Variants in RFX1 observed in about 807,000 individuals in gnomAD.
RFX1 encodes MHC class II regulatory factor RFX1.
In RFX1, 42 loss-of-function variants were observed where a neutral mutation model predicts 119.6. The observed-to-expected ratio is 0.35, with a 90% confidence interval of 0.27 to 0.45. The LOEUF is 0.45. RFX1 is among the 20% of genes least tolerant of loss of function. RFX1 has a pLI of 1.00. For synonymous variants in RFX1, 628 were observed against 618.5 expected (o/e 1.02, Z -0.23); for missense variants, 1,118 against 1,368.1 (o/e 0.82, Z 2.88).
At chr19:13,970,823 A>C (rs1003123504) in intron 9 of RFX1, among the ~76,000 whole-genome samples, 1 of 151,762 alleles carries the variant, frequency 6.6e-6, no homozygotes, top group Non-Finnish European at 1.5e-5. Flanking sequence ...GTCTCTACTA[A>C]AAATACAAAA....
Position 13,969,811 on chromosome 19 carries a change from T to C in RFX1, c.1496+183A>G, listed in dbSNP as rs915827044. On this transcript the variant is annotated intron_variant, in intron 10 of 20. Transcript: ENST00000254325. The surrounding 1 kb of genome is among the most constrained non-coding windows in gnomAD (Gnocchi z 4.5). ...CAAGTAAGGAGGGGTGAGAAGCACA[T>C]GAGGTGGAAGGCACCGCCAGTGCAA... 3 of 544,746 alleles carry C rather than the reference T, an allele frequency of 5.5e-6. No homozygotes were observed. Among genetic ancestry groups the C allele is most frequent in the Admixed American group, 3.6e-5 (1 of 28,086 alleles). 33.7% of individuals were successfully genotyped at this position (544,746 alleles called of 1,614,324 possible). A position where few individuals can be genotyped will look rare whatever the true frequency, so the allele number is the denominator to read the frequency against.
chr19:13,987,133 G>A (rs908438822), intron 2 of RFX1, among the ~76,000 whole-genome samples: 6 of 152,204 alleles, frequency 3.9e-5, no homozygotes, highest in African/African-American at 7.2e-5. Flanking sequence ...GGCCGGACTC[G>A]GCCCCTCCTT....
At chr19:13,976,632 C>T (rs776804819) in intron 8 of RFX1, among the ~76,000 whole-genome samples, 1 of 152,056 alleles carries the variant, frequency 6.6e-6, no homozygotes, top group Non-Finnish European at 1.5e-5. Flanking sequence ...CCAGGACCCA[C>T]GAGGACACAT....
At chr19:13,979,581 C>A (rs1198672299) in intron 6 of RFX1, 39 bp from the exon 7 acceptor site, 7 of 1,471,096 alleles carry the variant, frequency 4.8e-6, no homozygotes, top group Non-Finnish European at 5.6e-6. Context: ...ACCATGGCAA[C>A]GATGGCCGTC....
chr19:13,975,043 C>CAAAA (rs60183087), intron 8 of RFX1, among the ~76,000 whole-genome samples: 2 of 32,126 alleles, frequency 6.2e-5, no homozygotes, highest in African/African-American at 1.1e-4. Context: ...AACTCCACCT[C>CAAAA]AAAAAAAAAA....
intron 3 of RFX1, 104 bp downstream of exon 3, chr19:13,983,382 G>A (rs925515166): frequency 1.6e-6 from 2 of 1,234,120 alleles, no homozygotes; most frequent in Non-Finnish European, 1.1e-6. Context: ...GTGAGCAGAT[G>A]GCTCCAGCAG....
rs765207775 is a variant in RFX1 at position 13,993,759 on chromosome 19, GC to G, written c.84del (p.Gln28HisfsTer48). On this transcript the variant is annotated frameshift_variant, in exon 2 of 21. Coordinates refer to ENST00000254325, the MANE Select transcript of RFX1 (RefSeq NM_002918.5). LOFTEE classifies it high-confidence loss of function. ...GCCGCTGGGGGTGGTGGCGGTGGCGGCTGGGGCTGGGCTTGTGGCGGGGCCT... is the reference window on the plus strand; with the variant it reads ...GCCGCTGGGGGTGGTGGCGGTGGCGGTGGGGCTGGGCTTGTGGCGGGGCCT... ...PPQAPPQAQP[Q>X]PPPPPPPAAP... 3 of 1,599,046 alleles carry G rather than the reference GC, an allele frequency of 1.9e-6. No homozygotes were observed. In the African/African-American group the frequency reaches 4.0e-5, roughly 22 times the overall value.
chr19:13,980,806 G>A lies in RFX1; in HGVS notation c.622-117C>T, dbSNP rs1233833702. On this transcript the variant is annotated intron_variant, in intron 5 of 20. Coordinates refer to ENST00000254325, the MANE Select transcript of RFX1 (RefSeq NM_002918.5). This position sits in a 1 kb window ranked among gnomAD's most constrained non-coding sequence, Gnocchi z 5.1. ...TCTGGGGAGGGCGGCAGTCTGTGGGGACCTATCCCAACCACCGAGGCTGGT... is the reference window on the plus strand; with the variant it reads ...TCTGGGGAGGGCGGCAGTCTGTGGGAACCTATCCCAACCACCGAGGCTGGT... 1 of 611,636 alleles carries A rather than the reference G, an allele frequency of 1.6e-6. No homozygotes were observed. The highest frequency in any genetic ancestry group is 1.9e-5 in the African/African-American group (1 of 53,618). The allele number at this position is 611,636 out of a possible 1,614,324, so 37.9% of individuals were successfully genotyped here.
chr19:13,979,644 A>C, intron 6 of RFX1, 102 bp from the exon 7 acceptor site: 1 of 684,572 alleles, frequency 1.5e-6, no homozygotes, highest in Non-Finnish European at 2.3e-6. Context: ...CAGCAGACCC[A>C]TAAGCAAGAG....
In RFX1 at chr19:13,968,746, C is replaced by T. The variant is rs1282756678; in HGVS notation, c.1616+29G>A. Reference sequence around the variant, plus strand: ...GCCTGTGTGCCCTTCCCCGCCTGCCCTGCCCTGGGTCCGGCCCTGCCTTCC... The same window carrying T: ...GCCTGTGTGCCCTTCCCCGCCTGCCTTGCCCTGGGTCCGGCCCTGCCTTCC... On this transcript the variant is annotated intron_variant, in intron 11 of 20. Coordinates refer to ENST00000254325, the MANE Select transcript of RFX1 (RefSeq NM_002918.5). The surrounding 1 kb of genome is among the most constrained non-coding windows in gnomAD (Gnocchi z 5.5). 6.2e-7 allele frequency: 1 copy of T among 1,608,766 alleles called. No homozygotes were observed. The highest frequency in any genetic ancestry group is 1.3e-5 in the African/African-American group (1 of 74,872).
Position 13,972,825 on chromosome 19 carries a change from C to T in RFX1, c.1232G>A (p.Gly411Asp), listed in dbSNP as rs770523702. Residue 411 changes from glycine to aspartate, a missense_variant, in exon 9 of 21, where the codon GGC (glycine) becomes GAC (aspartate). Gly to Asp is a moderately conservative substitution (Grantham distance 94). Around this residue, in one of 5 missense-constraint regions of RFX1, gnomAD observed 542 missense variants for 602.7 expected, o/e 0.90. Transcript: ENST00000254325. ...GTAGCCGCCTTGGATCACGTAGGTGCCTGCTCCGCTGCCGCCGCCTCCGGT... is the reference window on the plus strand; with the variant it reads ...GTAGCCGCCTTGGATCACGTAGGTGTCTGCTCCGCTGCCGCCGCCTCCGGT... The part of the protein sequence containing the change: ...GSTGGGGSGA[G>D]TYVIQGGYML... 6.2e-7 allele frequency: 1 copy of T among 1,602,166 alleles called. No individual in the cohort carries two copies. The highest frequency in any genetic ancestry group is 1.1e-5 in the South Asian group (1 of 89,938).
chr19:13,980,597 C>T lies in RFX1; in HGVS notation c.714G>A (p.Gln238=). 1 of 1,575,862 alleles carries T rather than the reference C, an allele frequency of 6.3e-7. No individual in the cohort carries two copies. Among genetic ancestry groups the T allele is most frequent in the South Asian group, 1.1e-5 (1 of 87,284 alleles). The change falls in exon 6 of 21, where the codon CAG becomes CAA. Residue 238 remains glutamine (Q), a synonymous_variant. Transcript: ENST00000254325. The surrounding 1 kb of genome is among the most constrained non-coding windows in gnomAD (Gnocchi z 5.1). ...VPQQLQVHGV[Q]QSVPVTQERS... ...CCTCTTGGGTGACGGGGACACTCTG[C>T]TGGACGCCGTGGACCTGCAGCTGCT...
chr19:13,983,440 C>T, intron 3 of RFX1, 46 bp downstream of exon 3: 1 of 1,458,872 alleles, frequency 6.9e-7, no homozygotes, highest in Non-Finnish European at 9.4e-7. Context: ...CCTGCACTGC[C>T]CCCCTCCCGG....
chr19:13,973,432 T>C (rs1974154479), intron 8 of RFX1, among the ~76,000 whole-genome samples: 1 of 151,912 alleles, frequency 6.6e-6, no homozygotes, highest in Non-Finnish European at 1.5e-5. Flanking sequence ...GGCCACATAG[T>C]GAAAACCCAT....
intron 7 of RFX1, among the ~76,000 whole-genome samples, chr19:13,978,759 C>T (rs1974336386): frequency 6.6e-6 from 1 of 152,158 alleles, no homozygotes; most frequent in Non-Finnish European, 1.5e-5. Flanking sequence ...CTTTGAGGGC[C>T]GTGGCGGCCG....
At chr19:13,996,750 T>G (rs1599519878) in intron 1 of RFX1, among the ~76,000 whole-genome samples, 1 of 131,174 alleles carries the variant, frequency 7.6e-6, no homozygotes. Context: ...TGAGATGGAG[T>G]ATCACTCTGT....
intron 9 of RFX1, among the ~76,000 whole-genome samples, chr19:13,970,540 C>T (rs1370582285): frequency 1.3e-5 from 2 of 151,626 alleles, no homozygotes; most frequent in African/African-American, 4.8e-5. Flanking sequence ...TGGTGCACAC[C>T]TGCAGTCCCA....
chr19:13,987,760 G>A (rs760257163), intron 2 of RFX1, among the ~76,000 whole-genome samples: 6 of 152,208 alleles, frequency 3.9e-5, no homozygotes, highest in Non-Finnish European at 7.4e-5. Context: ...CCAGAATGTG[G>A]AGTGGCAGGG....
chr19:13,962,801 G>C lies in RFX1; in HGVS notation c.2834C>G (p.Ala945Gly). The change falls in exon 21 of 21, where the codon GCT (alanine) becomes GGT (glycine). Residue 945 changes from alanine (A) to glycine (G), a missense_variant. Transcript: ENST00000254325. ...DELPQDISLAAGGESPALGPE... is the reference protein window; with the variant it reads ...DELPQDISLAGGGESPALGPE... ...GCCCAGCGCGGGTGACTCGCCGCCA[G>C]CCGCCAGTGAGATGTCCTGCGGCAG... The C allele has an allele frequency of 6.5e-7, 1 of 1,530,084 alleles. No individual in the cohort carries two copies. The highest frequency in any genetic ancestry group is 8.7e-7 in the Non-Finnish European group (1 of 1,143,044). The allele number at this position is 1,530,084 out of a possible 1,614,324, so 94.8% of individuals were successfully genotyped here.
Sources: gnomAD v4.1 joint callset for allele counts (sites outside exome capture counted in the v4.1 genomes callset) on GRCh38, gnomAD v4.1.1 for gene constraint, gnomAD v4.1.1 regional missense constraint, Gnocchi (gnomAD v3.1) non-coding constraint, MANE v1.5 for transcripts, NCBI Gene and HGNC (gene_info 2026-07-23, HGNC 2026-07-21) for gene names.